PIN4: variants seen among roughly 807,000 people sequenced by gnomAD.
PIN4 encodes peptidyl-prolyl cis-trans isomerase NIMA-interacting 4.
Under a neutral mutation model 8.3 loss-of-function variants are expected in PIN4, and 3 were observed. The ratio of observed to expected loss-of-function variants is 0.36; its 90% CI spans 0.16 to 0.93. The LOEUF is 0.93. Among genes scored for constraint, PIN4 ranks in the 40% least tolerant of loss-of-function variants. PIN4 has a pLI of 0.44. For missense variants in PIN4, 75 were observed against 100.6 expected (o/e 0.75, Z 1.09); for synonymous variants, 18 against 32.5 (o/e 0.55, Z 1.52).
intron 2 of PIN4, among the ~76,000 whole-genome samples, chrX:72,188,307 C>T (rs1489767740): frequency 1.8e-5 from 2 of 112,382 alleles, no homozygotes; most frequent in Non-Finnish European, 3.8e-5. Flanking sequence ...TATGTTTTCA[C>T]AAGCATCTAA....
chrX:72,241,012 C>A (rs2984354), intron 3 of PIN4, among the ~76,000 whole-genome samples: 2,007 of 111,085 alleles, frequency 0.018, 57 homozygotes, highest in African/African-American at 0.062. Context: ...ATACTAGGTC[C>A]ATATGGACAC....
intron 1 of PIN4, chrX:72,186,203 G>C (rs1352888491): frequency 2.5e-6 from 1 of 398,646 alleles, no homozygotes; most frequent in South Asian, 3.0e-5. Flanking sequence ...AACATTATGA[G>C]ATTTTTATTT....
At chrX:72,222,258 A>G (rs1171565170) in intron 3 of PIN4, among the ~76,000 whole-genome samples, 1 of 112,147 alleles carries the variant, frequency 8.9e-6, no homozygotes, top group East Asian at 2.8e-4. Flanking sequence ...TATCGCAGGG[A>G]ATTCCTGCAC....
chrX:72,222,443 A>G (rs992478791), intron 3 of PIN4, among the ~76,000 whole-genome samples: 5 of 111,629 alleles, frequency 4.5e-5, no homozygotes, highest in Non-Finnish European at 7.5e-5. Context: ...CCATAGAGAC[A>G]CAGACTGGAC....
intron 3 of PIN4, among the ~76,000 whole-genome samples, chrX:72,240,161 G>A (rs1448470455): frequency 9.1e-6 from 1 of 110,134 alleles, no homozygotes; most frequent in African/African-American, 3.3e-5. Flanking sequence ...TATAATAAAA[G>A]GAAGACAAAA....
Position 72,196,571 on chromosome X carries a change from G to A in PIN4, c.118-214G>A, listed in dbSNP as rs774273353. Among the ~76,000 whole-genome samples the A allele has an allele frequency of 2.7e-5, 3 of 109,738 alleles. No homozygotes were observed. In the South Asian group the frequency reaches 1.2e-3, roughly 43 times the overall value. ...AAGGCGGAGCTTCCCACAGCCAGGT[G>A]CCTATTTTCCATCTAAATCAGGACT... On this transcript the variant is annotated intron_variant, in intron 2 of 3. Transcript: ENST00000373669.
intron 3 of PIN4, among the ~76,000 whole-genome samples, chrX:72,236,548 C>A (rs1256828662): frequency 9.0e-6 from 1 of 111,706 alleles, no homozygotes; most frequent in South Asian, 3.7e-4. Context: ...CCTGCCTCGC[C>A]CTCCCAAAGT....
chrX:72,258,472 G>C (rs754956360), intron 3 of PIN4, among the ~76,000 whole-genome samples: 12 of 111,884 alleles, frequency 1.1e-4, no homozygotes, highest in Admixed American at 5.7e-4. Context: ...AAAAGGCCTC[G>C]TGAACCATCT....
At chrX:72,243,488 A>G (rs1212912774) in intron 3 of PIN4, among the ~76,000 whole-genome samples, 1 of 111,129 alleles carries the variant, frequency 9.0e-6, no homozygotes, top group Non-Finnish European at 1.9e-5. Context: ...GTACAGAGGG[A>G]AAAAAAAGGA....
intron 3 of PIN4, among the ~76,000 whole-genome samples, chrX:72,254,260 T>G (rs958597510): frequency 5.4e-5 from 6 of 111,868 alleles, no homozygotes; most frequent in African/African-American, 2.0e-4. Context: ...GCTGTCCCCT[T>G]GGCCAGTAAC....
chrX:72,222,175 C>A (rs1214307919), intron 3 of PIN4, among the ~76,000 whole-genome samples: 1 of 111,897 alleles, frequency 8.9e-6, no homozygotes, highest in East Asian at 2.8e-4. Flanking sequence ...CTCGTATTCA[C>A]ATCCCTTTCT....
intron 3 of PIN4, among the ~76,000 whole-genome samples, chrX:72,225,547 GAAAGC>G (rs1213697771): frequency 8.9e-6 from 1 of 112,415 alleles, no homozygotes; most frequent in African/African-American, 3.2e-5. Context: ...CTGCCAGCAT[GAAAGC>G]AAAGCATTCA....
At chrX:72,191,598 A>G (rs2042734351) in intron 2 of PIN4, among the ~76,000 whole-genome samples, 1 of 111,892 alleles carries the variant, frequency 8.9e-6, no homozygotes, top group Admixed American at 9.5e-5. Context: ...AGGTGATTCT[A>G]ATATGCTGCC....
At chrX:72,210,696 ACTT>A (rs1257325183) in intron 3 of PIN4, among the ~76,000 whole-genome samples, 3 of 111,192 alleles carry the variant, frequency 2.7e-5, no homozygotes, top group Non-Finnish European at 5.7e-5. Flanking sequence ...GTGTGCCTAG[ACTT>A]CTTAGCACCA....
intron 3 of PIN4, among the ~76,000 whole-genome samples, chrX:72,254,952 A>G (rs1286550456): frequency 1.8e-5 from 2 of 110,930 alleles, no homozygotes; most frequent in Non-Finnish European, 3.8e-5. Flanking sequence ...CATCTCCAAA[A>G]GGTGTCCCAG....
chrX:72,256,818 C>T (rs747844237), intron 3 of PIN4, among the ~76,000 whole-genome samples: 60 of 111,873 alleles, frequency 5.4e-4, no homozygotes, highest in South Asian at 2.3e-3. Flanking sequence ...TGCAGACTTC[C>T]AAGAATGTTC....
chrX:72,182,643 G>A (rs1301416468), intron 1 of PIN4, among the ~76,000 whole-genome samples: 2 of 111,701 alleles, frequency 1.8e-5, no homozygotes, highest in African/African-American at 6.5e-5. Context: ...TAGTGTTGAG[G>A]GATGTGTATG....
At chrX:72,231,069 C>A (rs1232200341) in intron 3 of PIN4, among the ~76,000 whole-genome samples, 1 of 112,292 alleles carries the variant, frequency 8.9e-6, no homozygotes, top group African/African-American at 3.2e-5. Flanking sequence ...AATCTCACTT[C>A]TGGGTACTTC....
chrX:72,223,493 G>A lies in PIN4; in HGVS notation c.312+26589G>A, dbSNP rs759434885. Among the ~76,000 whole-genome samples, 15 of 106,792 alleles carry A rather than the reference G, an allele frequency of 1.4e-4. No homozygotes were observed. In the East Asian group the frequency reaches 4.6e-3, roughly 33 times the overall value. The allele number at this position is 106,792 out of a possible 115,157, so 92.7% of individuals were successfully genotyped here. A position where few individuals can be genotyped will look rare whatever the true frequency, so the allele number is the denominator to read the frequency against. ...CAACTTCTGCCTCCCAGGTTCAAGC[G>A]ATTCTCCTGCCTCAGCCTCCCGAGT... On this transcript the variant is annotated intron_variant, in intron 3 of 3. Transcript: ENST00000423432.
Sources: gnomAD v4.1 joint callset for allele counts (sites outside exome capture counted in the v4.1 genomes callset) on GRCh38, gnomAD v4.1.1 for gene constraint, MANE v1.5 for transcripts, NCBI Gene and HGNC (gene_info 2026-07-23, HGNC 2026-07-21) for gene names.